SLX4IP: variants seen among roughly 807,000 people sequenced by gnomAD.
The protein encoded by SLX4IP is SLX4 interacting protein.
SLX4IP carries 34 observed loss-of-function variants against 32.9 expected under a neutral mutation model. The ratio of observed to expected loss-of-function variants is 1.03; its 90% CI spans 0.79 to 1.38. The LOEUF (loss-of-function observed/expected upper bound fraction) is 1.38. Ranked by LOEUF, SLX4IP falls within the 40% of genes most tolerant of loss-of-function variation. The probability of loss-of-function intolerance (pLI) is 0.00; values close to 1 mark genes in which losing one functional copy is unlikely to be tolerated. For missense variants in SLX4IP, 444 were observed against 479.0 expected (o/e 0.93, Z 0.68); for synonymous variants, 172 against 171.7 (o/e 1.00, Z -0.01).
chr20:10,561,374 T>C, intron 4 of SLX4IP, among the ~76,000 whole-genome samples: 1 of 152,036 alleles, frequency 6.6e-6, no homozygotes, highest in East Asian at 1.9e-4. Context: ...TTCCTATCCT[T>C]CCCTTCCCCA....
intron 2 of SLX4IP, among the ~76,000 whole-genome samples, chr20:10,494,846 T>G (rs1395300096): frequency 6.6e-6 from 1 of 152,114 alleles, no homozygotes; most frequent in African/African-American, 2.4e-5. Context: ...ATAATAGAGT[T>G]TGTGGAGTGA....
At chr20:10,458,040 A>T in intron 1 of SLX4IP, 136 bp from the exon 2 acceptor site, 1 of 485,182 alleles carries the variant, frequency 2.1e-6, no homozygotes, top group Non-Finnish European at 3.5e-6. Context: ...TATTTTGGTT[A>T]AGGGCAATTA....
chr20:10,489,564 C>G, intron 2 of SLX4IP, among the ~76,000 whole-genome samples: 1 of 152,152 alleles, frequency 6.6e-6, no homozygotes. Flanking sequence ...GCCCTTCTGT[C>G]TAAGGCTCTC....
intron 2 of SLX4IP, among the ~76,000 whole-genome samples, chr20:10,491,521 C>G (rs1438754122): frequency 6.6e-6 from 1 of 152,184 alleles, no homozygotes; most frequent in Non-Finnish European, 1.5e-5. Flanking sequence ...AGAGAATGTT[C>G]AAGTTCCAGA....
chr20:10,626,013 T>C lies in SLX4IP; in HGVS notation c.*2634T>C, dbSNP rs1180067677. 1 of 133,042 alleles carries C rather than the reference T, an allele frequency of 7.5e-6. No homozygotes were observed. Among genetic ancestry groups the C allele is most frequent in the Non-Finnish European group, 1.6e-5 (1 of 61,638 alleles). 8.2% of individuals were successfully genotyped at this position (133,042 alleles called of 1,614,324 possible). ...AATGGTATGTGTTTTGACATTCTTT[T>C]TTTTTTTTTTTTTTTTTTTGAGACA... On this transcript the variant is annotated 3_prime_UTR_variant, in exon 8 of 8. Transcript: ENST00000334534.
chr20:10,609,251 C>A (rs77055759), intron 6 of SLX4IP, among the ~76,000 whole-genome samples: 3,663 of 152,298 alleles, frequency 0.024, 101 homozygotes, highest in Admixed American at 0.088. Context: ...TCCTAAAAGC[C>A]CATCTTCATC....
At chr20:10,478,027 T>C (rs1425467934) in intron 2 of SLX4IP, among the ~76,000 whole-genome samples, 2 of 151,482 alleles carry the variant, frequency 1.3e-5, no homozygotes. Flanking sequence ...GCCTCCAGAG[T>C]AGCTGGGACT....
At chr20:10,452,678 A>ATATATATATATATATATAT (rs1365793671) in intron 1 of SLX4IP, among the ~76,000 whole-genome samples, 1 of 97,788 alleles carries the variant, frequency 1.0e-5, no homozygotes, top group African/African-American at 3.6e-5. Context: ...AAAAAAAAAA[A>ATATATATATATATATATAT]AAATATATAT....
intron 2 of SLX4IP, among the ~76,000 whole-genome samples, chr20:10,461,002 G>A (rs1373472893): frequency 6.6e-6 from 1 of 152,094 alleles, no homozygotes; most frequent in African/African-American, 2.4e-5. Context: ...CATCAGTTTT[G>A]GAAAATTCTT....
At chr20:10,565,883 T>A (rs997362008) in intron 4 of SLX4IP, among the ~76,000 whole-genome samples, 6 of 152,240 alleles carry the variant, frequency 3.9e-5, no homozygotes, top group African/African-American at 1.4e-4. Flanking sequence ...TTCTAAGTGA[T>A]GTTTACTCCC....
Position 10,435,419 on chromosome 20 carries a change from A to T in SLX4IP, c.-64A>T, listed in dbSNP as rs2065101016. 6.6e-6 allele frequency: 1 copy of T among 152,264 alleles called. No homozygotes were observed. Among genetic ancestry groups the T allele is most frequent in the African/African-American group, 2.4e-5 (1 of 41,458 alleles). 9.4% of individuals were successfully genotyped at this position (152,264 alleles called of 1,614,324 possible). A position where few individuals can be genotyped will look rare whatever the true frequency, so the allele number is the denominator to read the frequency against. On this transcript the variant is annotated 5_prime_UTR_variant, in exon 1 of 8. Coordinates refer to ENST00000334534, the MANE Select transcript of SLX4IP (RefSeq NM_001009608.3). ...GTGACCCTGGACAGTAACAAAACAT[A>T]TAAAGCCCGAGCCCAAACCCCGCCA...
chr20:10,547,389 C>T (rs1181195872), intron 2 of SLX4IP, among the ~76,000 whole-genome samples: 2 of 152,166 alleles, frequency 1.3e-5, no homozygotes, highest in Non-Finnish European at 2.9e-5. Flanking sequence ...TCAGAGGTCC[C>T]ACAACAGACA....
At chr20:10,609,742 C>A (rs1388549995) in intron 6 of SLX4IP, among the ~76,000 whole-genome samples, 4 of 152,142 alleles carry the variant, frequency 2.6e-5, no homozygotes, top group African/African-American at 9.7e-5. Flanking sequence ...GTCTACCTTC[C>A]CACAGGTGTT....
At chr20:10,528,486 T>G (rs896538170) in intron 2 of SLX4IP, among the ~76,000 whole-genome samples, 1 of 152,164 alleles carries the variant, frequency 6.6e-6, no homozygotes, top group South Asian at 2.1e-4. Flanking sequence ...CTAACACTTA[T>G]GAAGAAGAAA....
intron 2 of SLX4IP, among the ~76,000 whole-genome samples, chr20:10,522,035 T>A (rs1381199620): frequency 6.6e-6 from 1 of 152,186 alleles, no homozygotes. Context: ...GAGACATCAC[T>A]TTATTATGGC....
intron 2 of SLX4IP, among the ~76,000 whole-genome samples, chr20:10,482,186 T>C (rs184991074): frequency 6.8e-4 from 104 of 152,326 alleles, no homozygotes; most frequent in African/African-American, 2.4e-3. Flanking sequence ...CATAAAACTT[T>C]GGGTTCTCGA....
chr20:10,563,647 A>G (rs1401296569), intron 4 of SLX4IP, among the ~76,000 whole-genome samples: 1 of 152,212 alleles, frequency 6.6e-6, no homozygotes, highest in Non-Finnish European at 1.5e-5. Context: ...TCCCAGCAGC[A>G]TTTATTAAAG....
At chr20:10,524,085 A>T (rs924861402) in intron 2 of SLX4IP, among the ~76,000 whole-genome samples, 4 of 152,170 alleles carry the variant, frequency 2.6e-5, no homozygotes, top group African/African-American at 9.7e-5. Context: ...CTGCACTGGG[A>T]GGCGTAGAGA....
intron 7 of SLX4IP, among the ~76,000 whole-genome samples, chr20:10,622,197 TG>T (rs2067119079): frequency 6.6e-6 from 1 of 152,198 alleles, no homozygotes; most frequent in Admixed American, 6.5e-5. Flanking sequence ...AGCTAAATGG[TG>T]GTTATATTTG....
Sources: allele counts gnomAD v4.1 joint callset (sites outside exome capture counted in the v4.1 genomes callset), GRCh38; gene constraint gnomAD v4.1.1; transcripts MANE v1.5; gene names NCBI Gene and HGNC (gene_info 2026-07-23, HGNC 2026-07-21).